UCHL3: variants seen among roughly 807,000 people sequenced by gnomAD.
UCHL3 encodes the protein ubiquitin C-terminal hydrolase L3.
A neutral mutation model predicts 35.8 loss-of-function variants in UCHL3; 22 were observed. That is an observed-to-expected ratio of 0.61 (90% CI 0.44 to 0.88). The LOEUF is 0.88. UCHL3 is among the 40% of genes least tolerant of loss of function. The pLI, the probability that UCHL3 is intolerant of heterozygous loss-of-function variation, is 0.00. For missense variants in UCHL3, 229 were observed against 276.9 expected, an observed-to-expected ratio of 0.83 and a Z score of 1.23; for synonymous variants, 90 against 92.8, an observed-to-expected ratio of 0.97 and a Z score of 0.17.
At chr13:75,588,250 G>A (rs1030004637) in intron 6 of UCHL3, among the ~76,000 whole-genome samples, 3 of 151,930 alleles carry the variant, frequency 2.0e-5, no homozygotes, top group African/African-American at 7.3e-5. Flanking sequence ...TATTCTTTCA[G>A]TATACAATGC....
chr13:75,557,223 A>T (rs1030387400), intron 2 of UCHL3, among the ~76,000 whole-genome samples: 5 of 152,106 alleles, frequency 3.3e-5, no homozygotes, highest in African/African-American at 1.2e-4. Flanking sequence ...CTGAAAAAAA[A>T]AAAGGAAGAT....
At chr13:75,589,092 T>G (rs1023735012) in intron 6 of UCHL3, among the ~76,000 whole-genome samples, 1 of 152,202 alleles carries the variant, frequency 6.6e-6, no homozygotes, top group South Asian at 2.1e-4. Flanking sequence ...CATATTTTTC[T>G]TGGTCACTTT....
chr13:75,556,105 G>A (rs117526769), intron 2 of UCHL3, among the ~76,000 whole-genome samples: 56 of 152,142 alleles, frequency 3.7e-4, no homozygotes, highest in African/African-American at 1.3e-3. Flanking sequence ...AATCTATGTC[G>A]AGTACAGTGG....
At chr13:75,583,943 C>T (rs919633934) in intron 6 of UCHL3, among the ~76,000 whole-genome samples, 2 of 152,132 alleles carry the variant, frequency 1.3e-5, no homozygotes, top group Non-Finnish European at 2.9e-5. Context: ...TCAATGGGTG[C>T]TCATGAGATT....
intron 2 of UCHL3, among the ~76,000 whole-genome samples, chr13:75,550,421 CT>C (rs1446700023): frequency 6.6e-6 from 1 of 152,190 alleles, no homozygotes; most frequent in African/African-American, 2.4e-5. Context: ...CATCCACCGC[CT>C]GCACTATGAA....
intron 5 of UCHL3, 113 bp from the exon 6 acceptor site, chr13:75,569,347 C>T (rs1593732511): frequency 2.7e-6 from 2 of 735,274 alleles, no homozygotes; most frequent in East Asian, 5.4e-5. Flanking sequence ...AAATTTCCTT[C>T]AATTTGTTGT....
At chr13:75,558,166 C>A (rs1191187388) in intron 2 of UCHL3, among the ~76,000 whole-genome samples, 1 of 152,106 alleles carries the variant, frequency 6.6e-6, no homozygotes, top group African/African-American at 2.4e-5. Context: ...ATATCTATCT[C>A]ATTTAATTGT....
At chr13:75,566,599 T>C in intron 3 of UCHL3, 96 bp from the exon 4 acceptor site, 1 of 752,448 alleles carries the variant, frequency 1.3e-6, no homozygotes. Flanking sequence ...TCTTTCATAA[T>C]AATATTTTTT....
chr13:75,578,573 C>T (rs1465403540), intron 6 of UCHL3, among the ~76,000 whole-genome samples: 12 of 152,044 alleles, frequency 7.9e-5, no homozygotes, highest in African/African-American at 2.7e-4. Flanking sequence ...CTTTGAAAAT[C>T]GCTTGCCAGT....
At chr13:75,595,863 C>A (rs1474545379) in intron 7 of UCHL3, among the ~76,000 whole-genome samples, 10 of 151,534 alleles carry the variant, frequency 6.6e-5, no homozygotes, top group African/African-American at 1.9e-4. Flanking sequence ...TTTACTCAGA[C>A]AGAATAAACT....
chr13:75,554,200 T>G (rs1426070690), intron 2 of UCHL3, among the ~76,000 whole-genome samples: 1 of 152,150 alleles, frequency 6.6e-6, no homozygotes, highest in African/African-American at 2.4e-5. Context: ...GTAGGTAGGA[T>G]ACAAGCTTGC....
chr13:75,555,448 C>T (rs1247299058), intron 2 of UCHL3, among the ~76,000 whole-genome samples: 1 of 152,158 alleles, frequency 6.6e-6, no homozygotes, highest in Non-Finnish European at 1.5e-5. Flanking sequence ...GTGCCAGGCT[C>T]ACGGGGCCAT....
intron 6 of UCHL3, chr13:75,589,857 A>G (rs1029313547): frequency 9.2e-7 from 1 of 1,083,422 alleles, no homozygotes; most frequent in South Asian, 1.6e-5. Flanking sequence ...AATTACAAGC[A>G]TGACCATACG....
At chr13:75,578,371 A>G (rs1244959798) in intron 6 of UCHL3, among the ~76,000 whole-genome samples, 1 of 152,138 alleles carries the variant, frequency 6.6e-6, no homozygotes, top group Non-Finnish European at 1.5e-5. Flanking sequence ...AGGTGGGATT[A>G]CTGATTCAAA....
chr13:75,571,976 C>CTGTGTTGTCTTGTCT (rs2031872338), intron 6 of UCHL3, among the ~76,000 whole-genome samples: 2 of 143,152 alleles, frequency 1.4e-5, no homozygotes, highest in African/African-American at 5.3e-5. Flanking sequence ...TTTCCTAACC[C>CTGTGTTGTCTTGTCT]TGTCTTGTCT....
chr13:75,550,055 G>C, intron 2 of UCHL3, 68 bp downstream of exon 2: 1 of 1,606,994 alleles, frequency 6.2e-7, no homozygotes, highest in South Asian at 1.1e-5. Context: ...TTCCCTGCTG[G>C]ACTCCACCTC....
At chr13:75,584,773 A>G (rs555064047) in intron 6 of UCHL3, among the ~76,000 whole-genome samples, 1 of 152,322 alleles carries the variant, frequency 6.6e-6, no homozygotes, top group East Asian at 1.9e-4. Context: ...ATAAGAAAGA[A>G]TCAAATGGAA....
intron 7 of UCHL3, among the ~76,000 whole-genome samples, chr13:75,601,646 A>G (rs1442018942): frequency 6.6e-6 from 1 of 152,220 alleles, no homozygotes; most frequent in Non-Finnish European, 1.5e-5. Flanking sequence ...CATAACTTTT[A>G]TATGCACTAG....
At chr13:75,571,623 C>T (rs1437250477) in intron 6 of UCHL3, among the ~76,000 whole-genome samples, 1 of 152,166 alleles carries the variant, frequency 6.6e-6, no homozygotes, top group African/African-American at 2.4e-5. Flanking sequence ...TTTTCACACA[C>T]TTCTGCTGGA....
Sources: gnomAD v4.1 joint callset for allele counts (sites outside exome capture counted in the v4.1 genomes callset) on GRCh38, gnomAD v4.1.1 for gene constraint, MANE v1.5 for transcripts, NCBI Gene and HGNC (gene_info 2026-07-23, HGNC 2026-07-21) for gene names.